The following ADAMTS3 variants were observed in gnomAD, a reference collection of about 807,000 sequenced individuals.
ADAMTS3 encodes A disintegrin and metalloproteinase with thrombospondin motifs 3.
A neutral mutation model predicts 129.0 loss-of-function variants in ADAMTS3; 73 were observed. That is an observed-to-expected ratio of 0.57 (90% confidence interval 0.47 to 0.69). ADAMTS3 has a LOEUF of 0.69. Among genes scored for constraint, ADAMTS3 ranks in the 30% least tolerant of loss-of-function variants. The pLI is 0.00. For missense variants in ADAMTS3, 1,457 were observed against 1,514.5 expected, an observed-to-expected ratio of 0.96 and a Z score of 0.63; for synonymous variants, 477 against 510.8, an observed-to-expected ratio of 0.93 and a Z score of 0.89.
chr4:72,288,881 A>C lies in ADAMTS3; in HGVS notation c.2932-13T>G, dbSNP rs1718581782. 2 of 1,560,560 alleles carry C rather than the reference A, an allele frequency of 1.3e-6. No individual in the cohort carries two copies. The highest frequency in any genetic ancestry group is 1.8e-6 in the Non-Finnish European group (2 of 1,134,726). ...AGGTCACTGAACACTGCAGAGACAAAGGCTGTGGTTACAGACATTTATTGC... is the reference window on the plus strand; with the variant it reads ...AGGTCACTGAACACTGCAGAGACAACGGCTGTGGTTACAGACATTTATTGC... On this transcript the variant is annotated splice_polypyrimidine_tract_variant and intron_variant, in intron 20 of 21. Coordinates refer to ENST00000286657, the MANE Select transcript of ADAMTS3 (RefSeq NM_014243.3).
At chr4:72,505,760 C>G (rs1008996399) in intron 3 of ADAMTS3, among the ~76,000 whole-genome samples, 2 of 152,190 alleles carry the variant, frequency 1.3e-5, no homozygotes, top group Admixed American at 6.5e-5. Context: ...ACTTCTAATC[C>G]TGGAAAGTGG....
chr4:72,542,225 T>C (rs1258506725), intron 3 of ADAMTS3, among the ~76,000 whole-genome samples: 2 of 152,126 alleles, frequency 1.3e-5, no homozygotes, highest in Admixed American at 1.3e-4. Context: ...AGAGCAGTGG[T>C]GCAATCTCAG....
intron 3 of ADAMTS3, among the ~76,000 whole-genome samples, chr4:72,489,619 A>T (rs919128034): frequency 1.8e-4 from 27 of 151,888 alleles, no homozygotes; most frequent in African/African-American, 6.0e-4. Context: ...ATAACCTAAC[A>T]CTACATCTCA....
intron 4 of ADAMTS3, among the ~76,000 whole-genome samples, chr4:72,370,818 C>T (rs59241896): frequency 0.034 from 5,232 of 152,030 alleles, 289 homozygotes; most frequent in African/African-American, 0.12. Context: ...AAATATATCA[C>T]GAATTATTAT....
At chr4:72,352,053 G>A (rs1286403041) in intron 4 of ADAMTS3, among the ~76,000 whole-genome samples, 3 of 151,894 alleles carry the variant, frequency 2.0e-5, no homozygotes, top group Non-Finnish European at 2.9e-5. Flanking sequence ...GCGATTCATG[G>A]TACAGTAGGT....
At chr4:72,455,836 G>GTA (rs955352406) in intron 3 of ADAMTS3, among the ~76,000 whole-genome samples, 3 of 113,720 alleles carry the variant, frequency 2.6e-5, no homozygotes, top group Non-Finnish European at 3.4e-5. Flanking sequence ...TATATACAGT[G>GTA]TATATACTAT....
At chr4:72,352,950 A>G (rs115784183) in intron 4 of ADAMTS3, among the ~76,000 whole-genome samples, 1,613 of 152,076 alleles carry the variant, frequency 0.011, 24 homozygotes, top group African/African-American at 0.037. Flanking sequence ...TATTTTGTAA[A>G]CAGGCTTCAG....
At chr4:72,422,979 G>A (rs1487491505) in intron 3 of ADAMTS3, among the ~76,000 whole-genome samples, 1 of 152,058 alleles carries the variant, frequency 6.6e-6, no homozygotes, top group Non-Finnish European at 1.5e-5. Flanking sequence ...TAGTCTAAGT[G>A]ACATTTTTAA....
intron 3 of ADAMTS3, among the ~76,000 whole-genome samples, chr4:72,544,820 C>T (rs1721424975): frequency 6.6e-6 from 1 of 152,082 alleles, no homozygotes; most frequent in Non-Finnish European, 1.5e-5. Flanking sequence ...AAAAGTACTT[C>T]CCATGCCTCT....
rs1383302682 is a variant in ADAMTS3, at chr4:72,455,977, T to TAGTATATATAC, written c.505-41017_505-41007dup. Among the ~76,000 whole-genome samples the TAGTATATATAC allele has an allele frequency of 2.0e-4, 12 of 61,038 alleles. 1 individual carries two copies. The highest frequency in any genetic ancestry group is 1.1e-3 in the East Asian group (2 of 1,744). 40.0% of individuals were successfully genotyped at this position (61,038 alleles called of 152,430 possible). ...ATATATACTATATATATTTTACATA[T>TAGTATATATAC]AGTATATATACTATATATATTTTAC... On this transcript the variant is annotated intron_variant, in intron 3 of 21. Transcript: ENST00000286657.
At chr4:72,568,587 G>C in intron 1 of ADAMTS3, 107 bp downstream of exon 1, 1 of 854,112 alleles carries the variant, frequency 1.2e-6, no homozygotes, top group South Asian at 1.6e-5. Flanking sequence ...AGATAACAGG[G>C]AAGGGTGGGA....
chr4:72,401,137 G>A (rs769349464), intron 4 of ADAMTS3, among the ~76,000 whole-genome samples: 7 of 151,650 alleles, frequency 4.6e-5, no homozygotes, highest in Non-Finnish European at 5.9e-5. Context: ...CTACCATACC[G>A]GACAGCACTA....
chr4:72,392,899 T>A (rs1407159935), intron 4 of ADAMTS3, among the ~76,000 whole-genome samples: 2 of 150,204 alleles, frequency 1.3e-5, no homozygotes, highest in Non-Finnish European at 2.9e-5. Flanking sequence ...GTAAAAAAAA[T>A]TCTTCTACCC....
chr4:72,529,787 A>G (rs1411309267), intron 3 of ADAMTS3, among the ~76,000 whole-genome samples: 1 of 98,992 alleles, frequency 1.0e-5, no homozygotes, highest in East Asian at 2.5e-4. Context: ...AATATATGAT[A>G]TAATTTAATA....
chr4:72,349,367 CCAT>C (rs904906194), intron 4 of ADAMTS3, among the ~76,000 whole-genome samples: 2 of 151,880 alleles, frequency 1.3e-5, no homozygotes, highest in African/African-American at 4.8e-5. Context: ...AAGGATACAA[CCAT>C]CGTTAAAACA....
intron 4 of ADAMTS3, among the ~76,000 whole-genome samples, chr4:72,342,835 C>T (rs747436680): frequency 3.9e-5 from 6 of 152,114 alleles, no homozygotes; most frequent in Non-Finnish European, 7.4e-5. Flanking sequence ...TAGCATATGA[C>T]GATCATTTTC....
intron 2 of ADAMTS3, among the ~76,000 whole-genome samples, chr4:72,562,544 G>A (rs1350166997): frequency 6.6e-6 from 1 of 152,036 alleles, no homozygotes; most frequent in Admixed American, 6.5e-5. Flanking sequence ...TAATTATGTT[G>A]AAAAATTGTA....
chr4:72,527,664 C>T (rs575536532), intron 3 of ADAMTS3, among the ~76,000 whole-genome samples: 4 of 152,256 alleles, frequency 2.6e-5, no homozygotes, highest in East Asian at 3.9e-4. Flanking sequence ...AAAAACAATA[C>T]TTGTCGAAAA....
chr4:72,396,386 A>G (rs1721725127), intron 4 of ADAMTS3, among the ~76,000 whole-genome samples: 1 of 152,240 alleles, frequency 6.6e-6, no homozygotes, highest in Non-Finnish European at 1.5e-5. Context: ...ATAACATGGT[A>G]TATGACAAAG....
Sources: gnomAD v4.1 joint callset for allele counts (sites outside exome capture counted in the v4.1 genomes callset) on GRCh38, gnomAD v4.1.1 for gene constraint, MANE v1.5 for transcripts, NCBI Gene and HGNC (gene_info 2026-07-23, HGNC 2026-07-21) for gene names.